The following PVR variants were observed in gnomAD, a reference collection of about 807,000 sequenced individuals.
PVR encodes the protein poliovirus receptor.
Under a neutral mutation model 43.3 loss-of-function variants are expected in PVR, and 39 were observed. The ratio of observed to expected loss-of-function variants is 0.90; its 90% CI spans 0.70 to 1.18. PVR has a LOEUF of 1.18. Among genes scored for constraint, PVR ranks in the 50% most tolerant of loss-of-function variants. PVR has a pLI of 0.00. For missense variants in PVR, 480 were observed against 549.7 expected, an observed-to-expected ratio of 0.87 and a Z score of 1.27; for synonymous variants, 224 against 233.2, an observed-to-expected ratio of 0.96 and a Z score of 0.36.
intron 2 of PVR, 69 bp from the exon 3 acceptor site, chr19:44,649,740 T>C: frequency 1.3e-6 from 2 of 1,539,296 alleles, no homozygotes; most frequent in Non-Finnish European, 1.8e-6. Flanking sequence ...TCCTGTACCC[T>C]TAATGAATGC....
Position 44,661,804 on chromosome 19 carries a change from C to G in PVR, c.1247C>G (p.Thr416Arg). 6.2e-7 allele frequency: 1 copy of G among 1,613,910 alleles called. No homozygotes were observed. The highest frequency in any genetic ancestry group is 8.5e-7 in the Non-Finnish European group (1 of 1,179,920). ...SSSQDPQTEG[T>R]R Reference sequence around the variant, plus strand: ...TCCCAGGATCCACAGACAGAGGGCACAAGGTGACAGCGTCGGGACTGAGAG... The same window carrying G: ...TCCCAGGATCCACAGACAGAGGGCAGAAGGTGACAGCGTCGGGACTGAGAG... The change falls in exon 8 of 8, where the codon ACA (threonine) becomes AGA (arginine). Residue 416 changes from threonine (T) to arginine (R), a missense_variant. Transcript: ENST00000425690.
chr19:44,647,185 C>CG (rs1973145211), intron 1 of PVR, 38 bp from the exon 2 acceptor site: 1 of 1,433,622 alleles, frequency 7.0e-7, no homozygotes, highest in Admixed American at 2.4e-5. Flanking sequence ...AGTCCAAGAA[C>CG]GCCCCGGGTC....
rs772585945 is a variant in PVR, at chr19:44,657,923, C to T, written c.991+13C>T. The T allele has an allele frequency of 1.2e-6, 2 of 1,612,278 alleles. No homozygotes were observed. Among genetic ancestry groups the T allele is most frequent in the Non-Finnish European group, 1.7e-6 (2 of 1,179,394 alleles). ...GTCCAGGTCAAAGGTGAGGAACTCC[C>T]TGGGTGGGAAGAACAGGGACCAAAG... On this transcript the variant is annotated intron_variant, in intron 5 of 7. Coordinates refer to ENST00000425690, the MANE Select transcript of PVR (RefSeq NM_006505.5).
chr19:44,658,824 G>C lies in PVR; in HGVS notation c.1074G>C (p.Leu358=), dbSNP rs780496325. Residue 358 remains leucine, a synonymous_variant, in exon 6 of 8, where the codon CTG becomes CTC. Coordinates refer to ENST00000425690, the MANE Select transcript of PVR (RefSeq NM_006505.5). ...LVLGILVFLI[L]LGIGIYFYWS... ...TGGGAATCCTGGTTTTTCTGATCCT[G>C]CTGGGGATCGGGATTTATTTCTATT... 1 of 1,614,040 alleles carries C rather than the reference G, an allele frequency of 6.2e-7. No individual in the cohort carries two copies. Among genetic ancestry groups the C allele is most frequent in the East Asian group, 2.2e-5 (1 of 44,890 alleles).
intron 2 of PVR, among the ~76,000 whole-genome samples, chr19:44,648,112 C>G (rs934430704): frequency 6.6e-6 from 1 of 152,130 alleles, no homozygotes; most frequent in African/African-American, 2.4e-5. Flanking sequence ...TTATTATGTG[C>G]CATTCTAAGA....
chr19:44,647,809 C>T (rs1279286000), intron 2 of PVR, among the ~76,000 whole-genome samples: 1 of 151,728 alleles, frequency 6.6e-6, no homozygotes, highest in Non-Finnish European at 1.5e-5. Context: ...ACCCCCAAGC[C>T]TGGGATCAGA....
In PVR at chr19:44,647,089, C is replaced by G; in HGVS notation, c.80-134C>G. The G allele has an allele frequency of 1.1e-5, 5 of 456,180 alleles. 1 individual carries two copies. The South Asian group carries it at 1.7e-4, about 16-fold the overall frequency. 28.3% of individuals were successfully genotyped at this position (456,180 alleles called of 1,614,324 possible). On this transcript the variant is annotated intron_variant, in intron 1 of 7. Coordinates refer to ENST00000425690, the MANE Select transcript of PVR (RefSeq NM_006505.5). The stretch of plus-strand genomic sequence containing the variant: ...CTAGTGCCCCAGTTCCCCCTCCCCC[C>G]ACACCCCACGGTCCACCGGGGATCC...
In PVR at chr19:44,647,518, CG is replaced by C; in HGVS notation, c.376del (p.Val126SerfsTer94). 1 of 1,613,992 alleles carries C rather than the reference CG, an allele frequency of 6.2e-7. No homozygotes were observed. ...EDEGNYTCLFVTFPQGSRSVD... is the reference protein window; with the variant it reads ...EDEGNYTCLFXTFPQGSRSVD... ...ATGAAGGCAACTACACCTGCCTGTTCGTCACGTTCCCGCAGGGCAGCAGGAG... is the reference window on the plus strand; with the variant it reads ...ATGAAGGCAACTACACCTGCCTGTTCTCACGTTCCCGCAGGGCAGCAGGAG... On this transcript the variant is annotated frameshift_variant, in exon 2 of 8. Transcript: ENST00000425690. LOFTEE classifies it high-confidence loss of function.
At chr19:44,657,660 C>T (rs1462755757) in intron 4 of PVR, 102 bp from the exon 5 acceptor site, 12 of 1,226,370 alleles carry the variant, frequency 9.8e-6, no homozygotes, top group Non-Finnish European at 1.3e-5. Flanking sequence ...TCCGCTTATG[C>T]TATAGAGGGC....
At chr19:44,645,167 TTATATATTA>T (rs1247613315) in intron 1 of PVR, among the ~76,000 whole-genome samples, 1 of 83,834 alleles carries the variant, frequency 1.2e-5, no homozygotes, top group Non-Finnish European at 2.2e-5. Flanking sequence ...AATATGTATA[TTATATATTA>T]TATATATTAT....
intron 3 of PVR, among the ~76,000 whole-genome samples, chr19:44,652,191 TTATTTATTTATC>T (rs1465467062): frequency 6.6e-6 from 1 of 152,024 alleles, no homozygotes; most frequent in Non-Finnish European, 1.5e-5. Flanking sequence ...ATTTATTTGT[TTATTTATTTATC>T]TATTTATTTA....
chr19:44,644,167 C>T lies in PVR; in HGVS notation c.71C>T (p.Pro24Leu), dbSNP rs1006707574. Residue 24 changes from proline (P) to leucine (L), a missense_variant, in exon 1 of 8, where the codon CCA becomes CTA. Transcript: ENST00000425690. ...CTACTGGTGCTGTCCTGGCCACCCC[C>T]AGGAACCGGTGAGTGACCCCCGCGC... Reference protein sequence around the residue: ...VALLVLSWPPPGTGDVVVQAP... With the variant: ...VALLVLSWPPLGTGDVVVQAP... 2.7e-5 allele frequency: 40 copies of T among 1,504,840 alleles called. No individual in the cohort carries two copies. The highest frequency in any genetic ancestry group is 3.4e-5 in the Non-Finnish European group (39 of 1,132,676). The allele number at this position is 1,504,840 out of a possible 1,614,324, so 93.2% of individuals were successfully genotyped here.
In PVR at chr19:44,650,503, C is replaced by T. The variant is rs139760163; in HGVS notation, c.724+398C>T. 2.2e-3 allele frequency among the ~76,000 whole-genome samples: 336 copies of T among 151,470 alleles called. 4 individuals are homozygous for T. Among genetic ancestry groups the T allele is most frequent in the African/African-American group, 7.5e-3 (310 of 41,220 alleles). ...ATTGCTACACTGGTTCTTCTGGCCA[C>T]GATCAACACTGCCTCCCTTATTGTC... On this transcript the variant is annotated intron_variant, in intron 3 of 7. Transcript: ENST00000425690.
chr19:44,645,372 A>G (rs1300936486), intron 1 of PVR, among the ~76,000 whole-genome samples: 2 of 125,672 alleles, frequency 1.6e-5, no homozygotes, highest in East Asian at 4.3e-4. Flanking sequence ...ACATTTAAAG[A>G]GTAAATAGAT....
At position 44,654,191 on chromosome 19, in the gene PVR, G is replaced by A. The variant is rs1333814985; in HGVS notation, c.842+174G>A. Among the ~76,000 whole-genome samples the A allele has an allele frequency of 2.3e-3, 349 of 149,800 alleles. 1 individual carries two copies. Among genetic ancestry groups the A allele is most frequent in the African/African-American group, 7.8e-3 (313 of 39,994 alleles). On this transcript the variant is annotated intron_variant, in intron 4 of 7. Transcript: ENST00000425690. ...CGGACTCCTGGGTCTGAGGGAAGAG[G>A]GGCTGGGGGTCTGGACCCCTGGGAC... is the stretch of plus-strand genomic sequence containing the variant.
At chr19:44,645,443 A>ATATATATATAT (rs1412998383) in intron 1 of PVR, among the ~76,000 whole-genome samples, 125 of 115,616 alleles carry the variant, frequency 1.1e-3, no homozygotes, top group Non-Finnish European at 1.7e-3. Flanking sequence ...ATATATATAT[A>ATATATATATAT]TAGTGCGTGT....
intron 3 of PVR, among the ~76,000 whole-genome samples, chr19:44,653,095 C>T (rs1973326272): frequency 6.6e-6 from 1 of 152,240 alleles, no homozygotes; most frequent in East Asian, 1.9e-4. Context: ...TACACAGAGC[C>T]TGTCTTAATT....
At chr19:44,645,481 A>C (rs1266857745) in intron 1 of PVR, among the ~76,000 whole-genome samples, 15 of 136,426 alleles carry the variant, frequency 1.1e-4, no homozygotes, top group African/African-American at 2.3e-4. Context: ...TGTGTATGAG[A>C]GAGACAAGGT....
At chr19:44,651,716 C>T (rs1322856235) in intron 3 of PVR, among the ~76,000 whole-genome samples, 1 of 152,220 alleles carries the variant, frequency 6.6e-6, no homozygotes, top group African/African-American at 2.4e-5. Flanking sequence ...CCTCCACCAG[C>T]TCCCTCATGG....
Sources: allele counts gnomAD v4.1 joint callset (sites outside exome capture counted in the v4.1 genomes callset), GRCh38; gene constraint gnomAD v4.1.1; transcripts MANE v1.5; gene names NCBI Gene and HGNC (gene_info 2026-07-23, HGNC 2026-07-21).